Variants in CSGALNACT1 observed in about 807,000 individuals in gnomAD.
CSGALNACT1 encodes beta4GalNAcT-1.
A neutral mutation model predicts 51.0 loss-of-function variants in CSGALNACT1; 52 were observed. The observed-to-expected ratio is 1.02, with a 90% CI of 0.82 to 1.29. The LOEUF (loss-of-function observed/expected upper bound fraction) is 1.29. Among genes scored for constraint, CSGALNACT1 ranks in the 50% most tolerant of loss-of-function variants. The pLI, the probability that CSGALNACT1 is intolerant of heterozygous loss-of-function variation, is 0.00. For missense variants in CSGALNACT1, 935 were observed against 679.2 expected, an observed-to-expected ratio of 1.38 and a Z score of -4.19; for synonymous variants, 341 against 254.4, an observed-to-expected ratio of 1.34 and a Z score of -3.24.
chr8:19,445,272 C>A (rs928345971), intron 5 of CSGALNACT1, among the ~76,000 whole-genome samples: 1 of 152,130 alleles, frequency 6.6e-6, no homozygotes, highest in African/African-American at 2.4e-5. Context: ...ACACACAGGG[C>A]CAAGTGCCAG....
chr8:19,516,152 C>T (rs185139765), intron 3 of CSGALNACT1, among the ~76,000 whole-genome samples: 6 of 152,134 alleles, frequency 3.9e-5, no homozygotes, highest in African/African-American at 7.2e-5. Context: ...TGAGCATTTA[C>T]GTTGGGGCCA....
chr8:19,606,318 T>C (rs2003928747), upstream of CSGALNACT1, among the ~76,000 whole-genome samples: 1 of 152,290 alleles, frequency 6.6e-6, no homozygotes, highest in South Asian at 2.1e-4. Flanking sequence ...ATCAGTGAAG[T>C]CCCTTATGTT....
At chr8:19,462,834 G>A (rs148558727) in intron 4 of CSGALNACT1, among the ~76,000 whole-genome samples, 2 of 151,176 alleles carry the variant, frequency 1.3e-5, no homozygotes, top group East Asian at 3.9e-4. Flanking sequence ...CAACTTTTAG[G>A]TTCAGAAGGA....
At chr8:19,516,860 C>G (rs1372098101) in intron 3 of CSGALNACT1, among the ~76,000 whole-genome samples, 1 of 152,144 alleles carries the variant, frequency 6.6e-6, no homozygotes, top group Non-Finnish European at 1.5e-5. Context: ...GTGAACACAG[C>G]GGCCACGGCA....
chr8:19,671,719 A>C (rs1245240733), intron 1 of CSGALNACT1, among the ~76,000 whole-genome samples: 4 of 152,180 alleles, frequency 2.6e-5, no homozygotes, highest in South Asian at 2.1e-4. Flanking sequence ...GCAGGGTAAA[A>C]GGATTGGGAG....
rs1049556243 is a variant in CSGALNACT1 at position 19,406,656 on chromosome 8, T to G, written c.1310-587A>C. ...AAAAAAAAAAAAAAAAAAAAGAGCT[T>G]CTACACCATCCCCACTTTTCAGCTT... On this transcript the variant is annotated intron_variant, in intron 9 of 9. Transcript: ENST00000454498. Among the ~76,000 whole-genome samples the G allele has an allele frequency of 5.7e-4, 82 of 143,408 alleles. 1 individual carries two copies. The highest frequency in any genetic ancestry group is 1.1e-3 in the Non-Finnish European group (76 of 66,144). 94.1% of individuals were successfully genotyped at this position (143,408 alleles called of 152,430 possible).
At chr8:19,504,360 G>A (rs1414543993) in intron 4 of CSGALNACT1, among the ~76,000 whole-genome samples, 1 of 152,256 alleles carries the variant, frequency 6.6e-6, no homozygotes. Context: ...ACAGGCGCGA[G>A]CCACTGCACC....
At chr8:19,563,430 A>C (rs1241168267) in intron 3 of CSGALNACT1, among the ~76,000 whole-genome samples, 1 of 152,184 alleles carries the variant, frequency 6.6e-6, no homozygotes, top group East Asian at 1.9e-4. Context: ...CCTGGAACTT[A>C]AAAATTTTTT....
intron 1 of CSGALNACT1, among the ~76,000 whole-genome samples, chr8:19,680,579 C>A (rs1486586153): frequency 3.3e-4 from 35 of 104,774 alleles, no homozygotes; most frequent in Non-Finnish European, 4.7e-4. Flanking sequence ...CCCCCCCCCC[C>A]ACAAAAAAAG....
chr8:19,756,691 G>A (rs1339021023), intron 1 of CSGALNACT1, among the ~76,000 whole-genome samples: 1 of 151,482 alleles, frequency 6.6e-6, no homozygotes, highest in Non-Finnish European at 1.5e-5. Context: ...GCCCGGTCCC[G>A]GGCAGGCGAG....
intron 1 of CSGALNACT1, among the ~76,000 whole-genome samples, chr8:19,640,731 C>T (rs890043971): frequency 2.4e-4 from 36 of 152,142 alleles, no homozygotes; most frequent in African/African-American, 8.2e-4. Context: ...TTGCCTGACT[C>T]GCATGCTATA....
At chr8:19,559,285 C>T (rs1177822436) in intron 3 of CSGALNACT1, among the ~76,000 whole-genome samples, 1 of 152,054 alleles carries the variant, frequency 6.6e-6, no homozygotes, top group Non-Finnish European at 1.5e-5. Flanking sequence ...AATTGAACAT[C>T]CATGATTTAA....
Position 19,533,540 on chromosome 8 carries a change from C to A in CSGALNACT1, c.-296-27410G>T, listed in dbSNP as rs995406193. Among the ~76,000 whole-genome samples the A allele has an allele frequency of 3.3e-5, 5 of 152,154 alleles. No individual in the cohort carries two copies. In the East Asian group the frequency reaches 9.7e-4, roughly 29 times the overall value. The stretch of plus-strand genomic sequence containing the variant: ...ATGAAGATTTTCTTCGCTAGTGTAC[C>A]TTCTATCCTGCTTGGTCTTCAAGCA... On this transcript the variant is annotated intron_variant, in intron 3 of 9. Coordinates refer to ENST00000454498, the Ensembl canonical transcript of CSGALNACT1.
intron 3 of CSGALNACT1, among the ~76,000 whole-genome samples, chr8:19,573,693 C>A (rs1475603647): frequency 6.6e-6 from 1 of 152,098 alleles, no homozygotes; most frequent in East Asian, 1.9e-4. Flanking sequence ...CTCTGCCCAC[C>A]TCGGCCTCCC....
intron 1 of CSGALNACT1, among the ~76,000 whole-genome samples, chr8:19,701,532 C>A (rs190019853): frequency 7.2e-4 from 109 of 152,112 alleles, no homozygotes; most frequent in Middle Eastern, 3.2e-3. Flanking sequence ...TGAAAATTAA[C>A]CCTTGGAGTT....
chr8:19,406,623 TA>T (rs33985548), intron 9 of CSGALNACT1, among the ~76,000 whole-genome samples: 9,529 of 72,066 alleles, frequency 0.13, 491 homozygotes, highest in African/African-American at 0.19. Flanking sequence ...AGAGGTTTCG[TA>T]AAAAAAAAAA....
At chr8:19,465,655 G>A (rs542504162) in intron 4 of CSGALNACT1, among the ~76,000 whole-genome samples, 11 of 152,250 alleles carry the variant, frequency 7.2e-5, no homozygotes, top group South Asian at 4.1e-4. Context: ...ATGCAAAGCC[G>A]TCTCTCTTCT....
intron 1 of CSGALNACT1, among the ~76,000 whole-genome samples, chr8:19,670,495 T>A (rs1052488682): frequency 3.1e-4 from 47 of 151,830 alleles, no homozygotes; most frequent in African/African-American, 1.1e-3. Context: ...TAATGCCTTC[T>A]AAGGTGCTGG....
At chr8:19,640,085 T>G (rs368327114) in intron 1 of CSGALNACT1, among the ~76,000 whole-genome samples, 79 of 152,054 alleles carry the variant, frequency 5.2e-4, no homozygotes, top group African/African-American at 1.5e-3. Flanking sequence ...TGATGAGACC[T>G]TTCAATGTTC....
Sources: gnomAD v4.1 joint callset for allele counts (sites outside exome capture counted in the v4.1 genomes callset) on GRCh38, gnomAD v4.1.1 for gene constraint, MANE v1.5 for transcripts, NCBI Gene and HGNC (gene_info 2026-07-23, HGNC 2026-07-21) for gene names.